Variants in TRABD2A observed in about 807,000 individuals in gnomAD.
TRABD2A encodes metalloprotease TIKI1.
A neutral mutation model predicts 45.6 loss-of-function variants in TRABD2A; 43 were observed. The observed-to-expected ratio is 0.94, with a 90% confidence interval of 0.74 to 1.22. The LOEUF (loss-of-function observed/expected upper bound fraction) is 1.22, where lower values mean the gene tolerates loss of function less well. TRABD2A is among the 50% of genes most tolerant of loss of function. The probability of loss-of-function intolerance (pLI) is 0.00; values close to 1 mark genes in which losing one functional copy is unlikely to be tolerated. For missense variants in TRABD2A, 642 were observed against 652.4 expected, an observed-to-expected ratio of 0.98 and a Z score of 0.17; for synonymous variants, 269 against 265.0, an observed-to-expected ratio of 1.02 and a Z score of -0.15.
chr2:84,847,780 G>A (rs56316175), intron 2 of TRABD2A, among the ~76,000 whole-genome samples: 23,416 of 152,212 alleles, frequency 0.15, 2,072 homozygotes, highest in Non-Finnish European at 0.2. Flanking sequence ...CACAAATTGA[G>A]TAGCTTAAAC....
intron 5 of TRABD2A, among the ~76,000 whole-genome samples, chr2:84,831,424 A>C (rs1681334368): frequency 1.3e-5 from 2 of 152,010 alleles, no homozygotes; most frequent in Admixed American, 1.3e-4. Flanking sequence ...GCCCACCAGG[A>C]TGGACGACCA....
chr2:84,826,564 G>T (rs563993458), intron 5 of TRABD2A, among the ~76,000 whole-genome samples: 23 of 152,250 alleles, frequency 1.5e-4, no homozygotes, highest in Non-Finnish European at 2.6e-4. Flanking sequence ...ATGGAGTCTT[G>T]CTCTGTCCCC....
intron 2 of TRABD2A, among the ~76,000 whole-genome samples, chr2:84,864,866 C>T (rs12464591): frequency 0.19 from 29,345 of 152,158 alleles, 3,757 homozygotes; most frequent in African/African-American, 0.37. Flanking sequence ...CCTTCCTCCA[C>T]AGGAGTCTTC....
At chr2:84,875,770 G>A (rs956252467) in intron 1 of TRABD2A, among the ~76,000 whole-genome samples, 5 of 152,288 alleles carry the variant, frequency 3.3e-5, no homozygotes, top group Non-Finnish European at 7.4e-5. Flanking sequence ...AACACTTTGG[G>A]AAGCTTGAGC....
chr2:84,839,268 T>G lies in TRABD2A; in HGVS notation c.872A>C (p.Glu291Ala), dbSNP rs926638226. 6.2e-7 allele frequency: 1 copy of G among 1,613,824 alleles called. No homozygotes were observed. ...CTCCCGGCGTAAGTAGCTGTCAATC[T>G]CCTGAGCAGTGATGCGCTCCTGAGG... ...LPPQERITAQ[E>A]IDSYLRRELI... The change falls in exon 4 of 7, where the codon GAG becomes GCG. Residue 291 changes from glutamate to alanine, a missense_variant. Glu to Ala is a moderately radical substitution (Grantham distance 107). Transcript: ENST00000409520.
At chr2:84,877,317 A>AC (rs1683058672) in intron 1 of TRABD2A, among the ~76,000 whole-genome samples, 1 of 151,840 alleles carries the variant, frequency 6.6e-6, no homozygotes, top group Non-Finnish European at 1.5e-5. Context: ...ATCCTTCACT[A>AC]CCCCATTTCA....
At chr2:84,865,987 T>C (rs1682665857) in intron 2 of TRABD2A, among the ~76,000 whole-genome samples, 1 of 152,212 alleles carries the variant, frequency 6.6e-6, no homozygotes, top group African/African-American at 2.4e-5. Context: ...GAGTCATAAC[T>C]TGATTCGATA....
intron 1 of TRABD2A, among the ~76,000 whole-genome samples, chr2:84,880,237 T>C (rs1683155732): frequency 6.6e-6 from 1 of 152,204 alleles, no homozygotes; most frequent in Non-Finnish European, 1.5e-5. Flanking sequence ...CTGTCCGCTA[T>C]AGAGCTGTGT....
At chr2:84,867,303 C>T (rs1682712527) in intron 2 of TRABD2A, among the ~76,000 whole-genome samples, 1 of 152,180 alleles carries the variant, frequency 6.6e-6, no homozygotes, top group African/African-American at 2.4e-5. Context: ...ATCAACATGA[C>T]ACTGTAGTCT....
intron 1 of TRABD2A, among the ~76,000 whole-genome samples, chr2:84,878,919 C>G (rs928959093): frequency 3.3e-5 from 5 of 152,232 alleles, no homozygotes; most frequent in East Asian, 1.9e-4. Flanking sequence ...CAGAATAGAA[C>G]AGCAATTCTC....
intron 6 of TRABD2A, among the ~76,000 whole-genome samples, chr2:84,822,762 C>A (rs1446261952): frequency 1.3e-5 from 2 of 152,228 alleles, no homozygotes; most frequent in Non-Finnish European, 2.9e-5. Flanking sequence ...TTCTCCAGGT[C>A]CCATCTGGCT....
At chr2:84,831,800 G>GC (rs780703749) in intron 5 of TRABD2A, among the ~76,000 whole-genome samples, 36 of 152,072 alleles carry the variant, frequency 2.4e-4, no homozygotes, top group Non-Finnish European at 4.9e-4. Context: ...TCCCCCGCTT[G>GC]CCAAACACCA....
At chr2:84,842,611 C>T (rs1190589767) in intron 2 of TRABD2A, among the ~76,000 whole-genome samples, 1 of 151,996 alleles carries the variant, frequency 6.6e-6, no homozygotes, top group East Asian at 1.9e-4. Flanking sequence ...TGCCTCTAGT[C>T]CCAGCTACTT....
chr2:84,859,024 A>G (rs1306177228), intron 2 of TRABD2A, among the ~76,000 whole-genome samples: 1 of 152,180 alleles, frequency 6.6e-6, no homozygotes, highest in Non-Finnish European at 1.5e-5. Flanking sequence ...CTCACAAGGG[A>G]AGGAAGGTCT....
intron 2 of TRABD2A, among the ~76,000 whole-genome samples, chr2:84,856,255 G>A (rs1682299507): frequency 6.6e-6 from 1 of 152,156 alleles, no homozygotes; most frequent in East Asian, 1.9e-4. Flanking sequence ...AGGTCTCCGT[G>A]CAGTGGGGAG....
chr2:84,873,318 G>A (rs1420659716), intron 1 of TRABD2A, among the ~76,000 whole-genome samples: 1 of 151,834 alleles, frequency 6.6e-6, no homozygotes, highest in Non-Finnish European at 1.5e-5. Flanking sequence ...CTACTTAGGA[G>A]GCTGAGGCAG....
At chr2:84,876,619 G>A (rs1415603197) in intron 1 of TRABD2A, among the ~76,000 whole-genome samples, 1 of 152,204 alleles carries the variant, frequency 6.6e-6, no homozygotes, top group Non-Finnish European at 1.5e-5. Context: ...TGGTGGACAG[G>A]TAGGCTGACT....
intron 2 of TRABD2A, among the ~76,000 whole-genome samples, chr2:84,848,379 C>T (rs79460339): frequency 0.12 from 11,823 of 101,276 alleles, 616 homozygotes; most frequent in East Asian, 0.21. Flanking sequence ...GATAGATAGA[C>T]AGACAGACAG....
chr2:84,862,128 T>C (rs1015966511), intron 2 of TRABD2A, among the ~76,000 whole-genome samples: 1 of 152,170 alleles, frequency 6.6e-6, no homozygotes, highest in Non-Finnish European at 1.5e-5. Flanking sequence ...ATGGAGCACC[T>C]TGACCCCAAC....
Sources: gnomAD v4.1 joint callset for allele counts (sites outside exome capture counted in the v4.1 genomes callset) on GRCh38, gnomAD v4.1.1 for gene constraint, MANE v1.5 for transcripts, NCBI Gene and HGNC (gene_info 2026-07-23, HGNC 2026-07-21) for gene names.